The following PDE1A variants were observed in gnomAD, a reference collection of about 807,000 sequenced individuals.
The protein encoded by PDE1A is phosphodiesterase 1A.
In PDE1A, 35 loss-of-function variants were observed where a neutral mutation model predicts 61.7. The ratio of observed to expected loss-of-function variants is 0.57; its 90% CI spans 0.43 to 0.75. The LOEUF (loss-of-function observed/expected upper bound fraction) is 0.75. Ranked by LOEUF, PDE1A falls within the 30% of genes least tolerant of loss-of-function variation. PDE1A has a pLI of 0.00. For synonymous variants in PDE1A, 232 were observed against 213.2 expected, an observed-to-expected ratio of 1.09 and a Z score of -0.77; for missense variants, 597 against 630.6, an observed-to-expected ratio of 0.95 and a Z score of 0.57.
At chr2:182,271,032 G>T (rs1263458047) in intron 1 of PDE1A, among the ~76,000 whole-genome samples, 1 of 151,624 alleles carries the variant, frequency 6.6e-6, no homozygotes, top group African/African-American at 2.4e-5. Flanking sequence ...TATTTTATAG[G>T]ATAAATAATT....
chr2:182,179,255 G>A (rs534508868), intron 13 of PDE1A, among the ~76,000 whole-genome samples: 2 of 152,230 alleles, frequency 1.3e-5, no homozygotes, highest in Admixed American at 6.5e-5. Flanking sequence ...TATCTGCACA[G>A]TATTTGGATT....
rs145667847 is a variant in PDE1A at position 182,511,763 on chromosome 2, G to T, written c.101+10513C>A. Among the ~76,000 whole-genome samples the T allele has an allele frequency of 7.7e-3, 1,170 of 152,190 alleles. 10 individuals are homozygous for T. The highest frequency in any genetic ancestry group is 0.027 in the African/African-American group (1,103 of 41,514). ...AGCCTCTCCCCAGAGTCCTTGCTTG[G>T]ACACACCCATTTGCAGTGCAAGCAC... On this transcript the variant is annotated intron_variant, in intron 2 of 14. Coordinates refer to the PDE1A transcript ENST00000410103.
chr2:182,269,891 T>C (rs952287533), intron 1 of PDE1A, among the ~76,000 whole-genome samples: 1 of 152,158 alleles, frequency 6.6e-6, no homozygotes, highest in Non-Finnish European at 1.5e-5. Context: ...AATCAGTAAT[T>C]TGAGAAAGAA....
chr2:182,660,448 T>G, the PDE1A span, among the ~76,000 whole-genome samples: 1 of 152,166 alleles, frequency 6.6e-6, no homozygotes, highest in East Asian at 1.9e-4. Context: ...AACCTATGAA[T>G]ATAAGATTTC....
At chr2:182,569,273 A>ATATATG in the PDE1A span, among the ~76,000 whole-genome samples, 219 of 150,278 alleles carry the variant, frequency 1.5e-3, 5 homozygotes, top group African/African-American at 5.2e-3. Flanking sequence ...ATATATATAT[A>ATATATG]TATGTATTTC....
At chr2:182,617,719 A>G in the PDE1A span, among the ~76,000 whole-genome samples, 1 of 152,116 alleles carries the variant, frequency 6.6e-6, no homozygotes, top group East Asian at 1.9e-4. Context: ...GCATCCTCTC[A>G]TATCTCCATG....
intron 1 of PDE1A, among the ~76,000 whole-genome samples, chr2:182,294,651 AGGTGAACACT>A (rs2125897409): frequency 6.6e-6 from 1 of 152,332 alleles, no homozygotes; most frequent in East Asian, 1.9e-4. Flanking sequence ...ATCGGGCAAA[AGGTGAACACT>A]GATTCAAGGG....
chr2:182,553,832 C>G, the PDE1A span, among the ~76,000 whole-genome samples: 1 of 152,206 alleles, frequency 6.6e-6, no homozygotes, highest in Non-Finnish European at 1.5e-5. Context: ...ATCTGCATGA[C>G]AGAGTTATGT....
chr2:182,302,701 G>A (rs368213158), intron 1 of PDE1A, among the ~76,000 whole-genome samples: 8 of 152,144 alleles, frequency 5.3e-5, no homozygotes, highest in African/African-American at 1.9e-4. Flanking sequence ...TTTATCTGTA[G>A]CATGCAACCT....
At chr2:182,485,507 CTAAAA>C (rs1261116235) in intron 2 of PDE1A, among the ~76,000 whole-genome samples, 6 of 151,740 alleles carry the variant, frequency 4.0e-5, no homozygotes, top group Admixed American at 1.3e-4. Context: ...ACCCCCAAAC[CTAAAA>C]TAAAAGTTTT....
chr2:182,353,605 T>C (rs1699013772), intron 1 of PDE1A, among the ~76,000 whole-genome samples: 1 of 152,036 alleles, frequency 6.6e-6, no homozygotes, highest in Non-Finnish European at 1.5e-5. Flanking sequence ...CATGCACAAA[T>C]ACACATATTG....
chr2:182,642,993 C>G, the PDE1A span, among the ~76,000 whole-genome samples: 8 of 152,276 alleles, frequency 5.3e-5, no homozygotes, highest in East Asian at 1.5e-3. Flanking sequence ...CATGGAAAAT[C>G]AGAGGTTACA....
chr2:182,186,388 T>G, intron 12 of PDE1A, 80 bp downstream of exon 12: 1 of 1,475,044 alleles, frequency 6.8e-7, no homozygotes, highest in Non-Finnish European at 9.3e-7. Context: ...TCTGCCTAGA[T>G]GTGAGAAATA....
chr2:182,187,506 G>A (rs895059034), intron 11 of PDE1A, among the ~76,000 whole-genome samples: 1 of 152,098 alleles, frequency 6.6e-6, no homozygotes, highest in Non-Finnish European at 1.5e-5. Flanking sequence ...AATAGCTGGA[G>A]GTAGGCTTTT....
intron 1 of PDE1A, among the ~76,000 whole-genome samples, chr2:182,396,282 G>C (rs1217713290): frequency 6.6e-6 from 1 of 152,214 alleles, no homozygotes; most frequent in East Asian, 1.9e-4. Flanking sequence ...CAGTGGTGAA[G>C]GGAAATCTTC....
the PDE1A span, among the ~76,000 whole-genome samples, chr2:182,669,126 A>G: frequency 6.6e-6 from 1 of 152,196 alleles, no homozygotes; most frequent in African/African-American, 2.4e-5. Flanking sequence ...TCCCCCAAAG[A>G]AGCTATTCTA....
intron 1 of PDE1A, among the ~76,000 whole-genome samples, chr2:182,271,276 C>T (rs561801921): frequency 1.7e-4 from 25 of 149,052 alleles, no homozygotes; most frequent in African/African-American, 6.1e-4. Flanking sequence ...GTATATAAAA[C>T]ATCATGTTGG....
intron 2 of PDE1A, among the ~76,000 whole-genome samples, chr2:182,257,819 C>T (rs1039952926): frequency 2.6e-5 from 4 of 152,124 alleles, no homozygotes; most frequent in Admixed American, 2.6e-4. Context: ...TTAGAGGATG[C>T]ACCAAGATGC....
At chr2:182,695,043 A>G in the PDE1A span, among the ~76,000 whole-genome samples, 3 of 152,140 alleles carry the variant, frequency 2.0e-5, no homozygotes, top group African/African-American at 7.2e-5. Flanking sequence ...AGATTACAAA[A>G]TTAAAGAATT....
Sources: gnomAD v4.1 joint callset for allele counts (sites outside exome capture counted in the v4.1 genomes callset) on GRCh38, gnomAD v4.1.1 for gene constraint, MANE v1.5 for transcripts, NCBI Gene and HGNC (gene_info 2026-07-23, HGNC 2026-07-21) for gene names.